Variants in GNG8 observed in about 807,000 individuals in gnomAD.
GNG8 encodes G protein subunit gamma 8, also known as guanine nucleotide-binding protein G(I)/G(S)/G(O) subunit gamma-8.
Under a neutral mutation model 4.6 loss-of-function variants are expected in GNG8, and 3 were observed. That is an observed-to-expected ratio of 0.65 (90% confidence interval 0.29 to 1.67). The LOEUF (loss-of-function observed/expected upper bound fraction) is 1.67, where lower values mean the gene tolerates loss of function less well. Among genes scored for constraint, GNG8 ranks in the 40% most tolerant of loss-of-function variants. The pLI is 0.10. For missense variants in GNG8, 88 were observed against 95.2 expected (o/e 0.92, Z 0.32); for synonymous variants, 32 against 40.5 (o/e 0.79, Z 0.80).
chr19:46,634,374 G>A (rs1006256300), intron 2 of GNG8, among the ~76,000 whole-genome samples, 170 bp from the exon 3 acceptor site: 1 of 31,098 alleles, frequency 3.2e-5, no homozygotes, highest in Admixed American at 4.2e-4. Flanking sequence ...GTCCTACCCC[G>A]CCCCTCGTCC....
At chr19:46,634,414 C>T (rs2052849923) in intron 2 of GNG8, among the ~76,000 whole-genome samples, 185 bp downstream of exon 2, 1 of 140,934 alleles carries the variant, frequency 7.1e-6, no homozygotes, top group African/African-American at 2.6e-5. Flanking sequence ...TCCCTCCCCT[C>T]GTCCTGGCCC....
upstream of GNG8, chr19:46,636,843 G>A (rs995948209): frequency 2.7e-5 from 4 of 148,360 alleles, no homozygotes; most frequent in African/African-American, 1.0e-4. Context: ...CCAGGCTGGA[G>A]TGCAGTGGCC....
At chr19:46,637,787 G>C (rs1475798960), upstream of GNG8, 2 of 129,844 alleles carry the variant, frequency 1.5e-5, no homozygotes, top group African/African-American at 5.7e-5. Flanking sequence ...CGGCGGGGGT[G>C]GGGGGAGGGG....
At chr19:46,636,654 G>A (rs552808965), upstream of GNG8, among the ~76,000 whole-genome samples, 10 of 152,150 alleles carry the variant, frequency 6.6e-5, no homozygotes, top group East Asian at 1.5e-3. Flanking sequence ...AACCTCACAC[G>A]GTTGCCCCAA....
Position 46,634,191 on chromosome 19 carries a change from G to C in GNG8, c.98C>G (p.Ala33Gly), listed in dbSNP as rs773523900. The change falls in exon 3 of 3, where the codon GCA (alanine) becomes GGA (glycine). Residue 33 changes from alanine to glycine, a missense_variant. Transcript: ENST00000693335. ...NIDRMKVSQA[A>G]AELLAFCETH... ...CTCGCAGAAAGCCAGGAGTTCCGCT[G>C]CTGCCTGCGACACCTGCGAGCACCC... 6.2e-7 allele frequency: 1 copy of C among 1,611,320 alleles called. No homozygotes were observed. Among genetic ancestry groups the C allele is most frequent in the South Asian group, 1.1e-5 (1 of 90,796 alleles).
At chr19:46,635,761 G>GGGAGAGGATGGAGGAGATGGACGGA (rs1599780794) in intron 1 of GNG8, among the ~76,000 whole-genome samples, 3 of 32,860 alleles carry the variant, frequency 9.1e-5, no homozygotes, top group Non-Finnish European at 1.7e-4. Context: ...GGGAGGGGGT[G>GGGAGAGGATGGAGGAGATGGACGGA]TGGGGTGGGA....
At chr19:46,634,399 C>A in intron 2 of GNG8, among the ~76,000 whole-genome samples, 195 bp from the exon 3 acceptor site, 1 of 129,456 alleles carries the variant, frequency 7.7e-6, no homozygotes, top group African/African-American at 2.9e-5. Context: ...CCCTCCCCTG[C>A]CCCATCCCTC....
At chr19:46,638,768 A>AGGCCGCAGGGAGGAGGT (rs1319986286), upstream of GNG8, 6 of 152,698 alleles carry the variant, frequency 3.9e-5, no homozygotes, top group South Asian at 4.1e-4. The surrounding 1 kb of genome is among the most constrained non-coding windows in gnomAD (Gnocchi z 4.7). Context: ...CTGCCCCGAG[A>AGGCCGCAGGGAGGAGGT]GGCCGCAGGG....
chr19:46,634,637 C>G lies in GNG8; in HGVS notation c.46G>C (p.Glu16Gln), dbSNP rs754556114. Reference protein sequence around the residue: ...AKIAEARKTVEQLKLEVNIDR... With the variant: ...AKIAEARKTVQQLKLEVNIDR... ...ATGTTCACCTCCAGCTTCAGCTGTT[C>G]CACCGTCTTGCGGGCCTCGGCAATC... Residue 16 changes from glutamate (E) to glutamine (Q), a missense_variant, in exon 2 of 3, where the codon GAA becomes CAA. Coordinates refer to ENST00000693335, the MANE Select transcript of GNG8 (RefSeq NM_033258.2). 1.2e-6 allele frequency: 2 copies of G among 1,613,178 alleles called. No individual in the cohort carries two copies.
Position 46,634,675 on chromosome 19 carries a change from T to G in GNG8, c.8A>C (p.Asn3Thr). 6.2e-7 allele frequency: 1 copy of G among 1,612,608 alleles called. No individual in the cohort carries two copies. The highest frequency in any genetic ancestry group is 8.5e-7 in the Non-Finnish European group (1 of 1,179,696). Reference protein sequence around the residue: MSNNMAKIAEARK... With the variant: MSTNMAKIAEARK... ...GGCCTCGGCAATCTTGGCCATGTTG[T>G]TGGACATGGTTGCGGCGGGGAAGGG... is the stretch of plus-strand genomic sequence containing the variant. The change falls in exon 2 of 3, where the codon AAC (asparagine) becomes ACC (threonine). Residue 3 changes from asparagine (N) to threonine (T), a missense_variant. Asn to Thr is a moderately conservative substitution (Grantham distance 65). Transcript: ENST00000693335.
intron 2 of GNG8, 27 bp from the exon 3 acceptor site, chr19:46,634,231 C>G (rs751145869): frequency 1.3e-6 from 2 of 1,591,508 alleles, no homozygotes; most frequent in South Asian, 2.3e-5. Context: ...GGAGATGTCA[C>G]CGCCCTGCCC....
rs981343536 is a variant in GNG8, at chr19:46,634,000, A to G, written c.*76T>C. ...TCTGTGCGTGCCTCAGTCTCCCTGA[A>G]AGCACAGGCACCACCACAGTTACCA... On this transcript the variant is annotated 3_prime_UTR_variant, in exon 3 of 3. Transcript: ENST00000693335. 1.3e-6 allele frequency: 2 copies of G among 1,520,670 alleles called. No individual in the cohort carries two copies. The highest frequency in any genetic ancestry group is 1.8e-6 in the Non-Finnish European group (2 of 1,124,642). The allele number at this position is 1,520,670 out of a possible 1,614,324, so 94.2% of individuals were successfully genotyped here.
At chr19:46,636,045 C>CTCACTCATTCACTCAT (rs962714637) in intron 1 of GNG8, among the ~76,000 whole-genome samples, 102 bp downstream of exon 1, 2 of 152,040 alleles carry the variant, frequency 1.3e-5, no homozygotes, top group African/African-American at 2.4e-5. Flanking sequence ...AATTCATTCA[C>CTCACTCATTCACTCAT]TCACTCATTC....
intron 1 of GNG8, among the ~76,000 whole-genome samples, chr19:46,635,857 AG>A (rs1415695932): frequency 9.5e-6 from 1 of 104,976 alleles, no homozygotes. Context: ...AAATGGAGGA[AG>A]GGGGGAGGGA....
At chr19:46,635,347 T>TGA (rs1215723504) in intron 1 of GNG8, among the ~76,000 whole-genome samples, 2 of 146,288 alleles carry the variant, frequency 1.4e-5, no homozygotes, top group Non-Finnish European at 3.0e-5. Flanking sequence ...AGGGAGAGAC[T>TGA]GAGGCACGGG....
At chr19:46,634,267 C>T in intron 2 of GNG8, 63 bp from the exon 3 acceptor site, 9 of 1,530,012 alleles carry the variant, frequency 5.9e-6, no homozygotes, top group Non-Finnish European at 7.9e-6. Context: ...CCCACTTAGG[C>T]CCCGCCTCTT....
intron 2 of GNG8, 28 bp downstream of exon 2, chr19:46,634,571 C>A (rs373669437): frequency 5.0e-6 from 8 of 1,592,666 alleles, no homozygotes; most frequent in Non-Finnish European, 6.9e-6. Context: ...CCAGAACCCC[C>A]GCCCTATTCC....
Position 46,633,960 on chromosome 19 carries a change from A to T in GNG8, c.*116T>A. The T allele has an allele frequency of 1.6e-6, 2 of 1,231,190 alleles. No individual in the cohort carries two copies. Among genetic ancestry groups the T allele is most frequent in the South Asian group, 1.5e-5 (1 of 68,622 alleles). The allele number at this position is 1,231,190 out of a possible 1,614,324, so 76.3% of individuals were successfully genotyped here. A position where few individuals can be genotyped will look rare whatever the true frequency, so the allele number is the denominator to read the frequency against. ...AATGAGAACGGACACAGCTTCCCCT[A>T]CGGTGGCCCCAAGCTCTGTGCGTGC... On this transcript the variant is annotated 3_prime_UTR_variant, in exon 3 of 3. Transcript: ENST00000693335.
chr19:46,639,130 G>A (rs551474793), upstream of GNG8: 2 of 153,150 alleles, frequency 1.3e-5, no homozygotes, highest in South Asian at 4.1e-4. This position sits in a 1 kb window ranked among gnomAD's most constrained non-coding sequence, Gnocchi z 5.2. Context: ...ACACAGAGAT[G>A]GAGGCAGAGG....
Sources: allele counts gnomAD v4.1 joint callset (sites outside exome capture counted in the v4.1 genomes callset), GRCh38; gene constraint gnomAD v4.1.1; non-coding constraint Gnocchi (gnomAD v3.1); transcripts MANE v1.5; gene names NCBI Gene and HGNC (gene_info 2026-07-23, HGNC 2026-07-21).